CALN1: variants seen among roughly 807,000 people sequenced by gnomAD.
CALN1 encodes calcium-binding protein 8.
In CALN1, 17 loss-of-function variants were observed where a neutral mutation model predicts 30.6. The observed-to-expected ratio is 0.56, with a 90% CI of 0.38 to 0.83. The LOEUF (loss-of-function observed/expected upper bound fraction) is 0.83, where lower values mean the gene tolerates loss of function less well. CALN1 is among the 40% of genes least tolerant of loss of function. The pLI is 0.00. For missense variants in CALN1, 291 were observed against 354.9 expected, an observed-to-expected ratio of 0.82 and a Z score of 1.45; for synonymous variants, 156 against 131.4, an observed-to-expected ratio of 1.19 and a Z score of -1.28.
intron 5 of CALN1, among the ~76,000 whole-genome samples, chr7:71,929,009 G>A (rs1795414992): frequency 6.6e-6 from 1 of 151,838 alleles, no homozygotes; most frequent in African/African-American, 2.4e-5. Flanking sequence ...GATTTTTGAT[G>A]TGTCATGTAA....
rs374907958 is a variant in CALN1 at position 71,949,909 on chromosome 7, C to T, written c.501+73748G>A. Among the ~76,000 whole-genome samples the T allele has an allele frequency of 7.2e-4, 109 of 152,124 alleles. 1 individual carries two copies. The highest frequency in any genetic ancestry group is 2.5e-3 in the African/African-American group (105 of 41,500). On this transcript the variant is annotated intron_variant, in intron 5 of 6. Transcript: ENST00000395275. ...CCCGAGTAGCTGGGACTACAGGCGC[C>T]TGCCACTACGCCTGGCTAATTTTTT...
At chr7:72,446,458 A>G (rs1230009702) in intron 1 of CALN1, among the ~76,000 whole-genome samples, 1 of 150,744 alleles carries the variant, frequency 6.6e-6, no homozygotes, top group South Asian at 2.1e-4. Context: ...GAAATCATAC[A>G]GCAAGCATTT....
intron 3 of CALN1, among the ~76,000 whole-genome samples, chr7:72,272,453 T>C (rs1352166040): frequency 1.3e-5 from 2 of 152,002 alleles, no homozygotes; most frequent in African/African-American, 4.8e-5. Context: ...TCCCAGCTAC[T>C]TGGGAGGCTA....
chr7:72,146,631 A>G (rs1183293508), intron 3 of CALN1, among the ~76,000 whole-genome samples: 2 of 152,192 alleles, frequency 1.3e-5, no homozygotes, highest in African/African-American at 4.8e-5. Flanking sequence ...TAAAGTTCAT[A>G]TGGAACCAAA....
chr7:72,137,459 C>T (rs180780443), intron 3 of CALN1, among the ~76,000 whole-genome samples: 3 of 152,230 alleles, frequency 2.0e-5, no homozygotes, highest in East Asian at 1.9e-4. Flanking sequence ...CCCAGAGGCA[C>T]GAAGTGAGCA....
intron 2 of CALN1, among the ~76,000 whole-genome samples, chr7:72,321,964 G>A (rs1045024089): frequency 1.3e-5 from 2 of 152,188 alleles, no homozygotes; most frequent in Non-Finnish European, 2.9e-5. Context: ...TGGCACCAAG[G>A]ACCAGTTTCG....
intron 3 of CALN1, among the ~76,000 whole-genome samples, chr7:72,116,979 A>G (rs1808029166): frequency 6.6e-6 from 1 of 152,158 alleles, no homozygotes; most frequent in Non-Finnish European, 1.5e-5. Context: ...TCAGCCAGAT[A>G]TCTTCAAGTG....
chr7:72,077,325 G>C (rs564946343), intron 4 of CALN1, among the ~76,000 whole-genome samples: 2 of 152,318 alleles, frequency 1.3e-5, no homozygotes, highest in South Asian at 4.1e-4. Flanking sequence ...CCAGGCTGGA[G>C]TGCAGTGGCA....
intron 5 of CALN1, among the ~76,000 whole-genome samples, chr7:71,898,012 G>T (rs75598098): frequency 5.4e-5 from 4 of 74,102 alleles, no homozygotes; most frequent in Non-Finnish European, 1.0e-4. Context: ...AGGGAGGGAG[G>T]GGGGGGGAGA....
chr7:72,316,583 T>G (rs1460889287), intron 2 of CALN1, among the ~76,000 whole-genome samples: 1 of 152,088 alleles, frequency 6.6e-6, no homozygotes, highest in Non-Finnish European at 1.5e-5. Flanking sequence ...TGAATTTAAT[T>G]TTCTTCTATT....
the CALN1 span, among the ~76,000 whole-genome samples, chr7:72,463,437 A>G: frequency 2.0e-5 from 3 of 152,078 alleles, no homozygotes; most frequent in Admixed American, 1.3e-4. Flanking sequence ...ACCACCACAC[A>G]TGGCCTGGTT....
chr7:72,107,657 C>T (rs927045158), intron 3 of CALN1, among the ~76,000 whole-genome samples: 4 of 152,148 alleles, frequency 2.6e-5, no homozygotes, highest in African/African-American at 9.7e-5. Context: ...TCTGAGCACA[C>T]CAGACCTAGA....
At chr7:72,307,956 C>T (rs1335689055) in intron 2 of CALN1, among the ~76,000 whole-genome samples, 1 of 151,942 alleles carries the variant, frequency 6.6e-6, no homozygotes. Context: ...AAGGACATTT[C>T]GTGAGTCCTC....
intron 1 of CALN1, among the ~76,000 whole-genome samples, chr7:72,426,680 TAGAC>T (rs1807807609): frequency 6.6e-6 from 1 of 152,230 alleles, no homozygotes; most frequent in South Asian, 2.1e-4. Context: ...ACGAAACTGA[TAGAC>T]AGAGCCAGGC....
At chr7:72,254,008 T>A (rs751858777) in intron 3 of CALN1, among the ~76,000 whole-genome samples, 3 of 152,174 alleles carry the variant, frequency 2.0e-5, no homozygotes, top group Non-Finnish European at 4.4e-5. Flanking sequence ...ACCAAAGTGC[T>A]GAGATTACAG....
chr7:71,794,242 T>C (rs550226562), intron 6 of CALN1, among the ~76,000 whole-genome samples: 1 of 152,204 alleles, frequency 6.6e-6, no homozygotes, highest in Non-Finnish European at 1.5e-5. Flanking sequence ...CAAATTCTTT[T>C]TGGTCTCCTG....
intron 2 of CALN1, among the ~76,000 whole-genome samples, chr7:72,350,046 AG>A (rs1802839875): frequency 6.6e-6 from 1 of 152,162 alleles, no homozygotes; most frequent in South Asian, 2.1e-4. Flanking sequence ...GTTTCCTTCA[AG>A]GGTTTTTATA....
At chr7:72,444,590 A>G (rs1415297692) in intron 1 of CALN1, among the ~76,000 whole-genome samples, 1 of 152,126 alleles carries the variant, frequency 6.6e-6, no homozygotes, top group Non-Finnish European at 1.5e-5. Flanking sequence ...GACAGGGAGG[A>G]GGCCATCCCT....
intron 3 of CALN1, among the ~76,000 whole-genome samples, chr7:72,229,603 T>A (rs979591724): frequency 1.3e-5 from 2 of 151,872 alleles, no homozygotes; most frequent in African/African-American, 4.8e-5. Context: ...TATGCAGCCA[T>A]AAAGAAGAAT....
Sources: gnomAD v4.1 joint callset for allele counts (sites outside exome capture counted in the v4.1 genomes callset) on GRCh38, gnomAD v4.1.1 for gene constraint, MANE v1.5 for transcripts, NCBI Gene and HGNC (gene_info 2026-07-23, HGNC 2026-07-21) for gene names.